Variants in GSK3B observed in about 807,000 individuals in gnomAD.
GSK3B encodes the protein glycogen synthase kinase-3 beta.
In GSK3B, 15 loss-of-function variants were observed where a neutral mutation model predicts 56.4. The ratio of observed to expected loss-of-function variants is 0.27; its 90% CI spans 0.18 to 0.41. The LOEUF is 0.41. Ranked by LOEUF, GSK3B falls within the 10% of genes least tolerant of loss-of-function variation. The pLI is 1.00. For synonymous variants in GSK3B, 181 were observed against 188.9 expected, an observed-to-expected ratio of 0.96 and a Z score of 0.34; for missense variants, 300 against 513.4, an observed-to-expected ratio of 0.58 and a Z score of 4.02.
At chr3:119,837,864 A>G (rs2108005986) in intron 10 of GSK3B, among the ~76,000 whole-genome samples, 2 of 147,974 alleles carry the variant, frequency 1.4e-5, no homozygotes, top group South Asian at 4.2e-4. Context: ...TAAGACATAT[A>G]TAATATATAT....
At chr3:120,081,576 A>T (rs771699469) in intron 1 of GSK3B, among the ~76,000 whole-genome samples, 1 of 152,140 alleles carries the variant, frequency 6.6e-6, no homozygotes, top group Non-Finnish European at 1.5e-5. Flanking sequence ...CACAAATTTA[A>T]CTTAATTTCT....
intron 7 of GSK3B, among the ~76,000 whole-genome samples, chr3:119,877,620 G>A (rs1213904541): frequency 6.6e-6 from 1 of 152,112 alleles, no homozygotes; most frequent in Admixed American, 6.5e-5. Flanking sequence ...TCATTCAGTC[G>A]TTGAATAGTG....
intron 2 of GSK3B, among the ~76,000 whole-genome samples, chr3:119,993,715 C>A (rs1011005871): frequency 6.6e-6 from 1 of 152,294 alleles, no homozygotes; most frequent in African/African-American, 2.4e-5. Context: ...AGAGTGAACT[C>A]TGTGATGTTG....
intron 2 of GSK3B, among the ~76,000 whole-genome samples, chr3:119,952,417 G>A (rs1240851957): frequency 6.6e-6 from 1 of 150,562 alleles, no homozygotes; most frequent in Non-Finnish European, 1.5e-5. Context: ...GAGCCCGGGA[G>A]GCAGAGGTTG....
chr3:120,059,965 T>C (rs1234478392), intron 1 of GSK3B, among the ~76,000 whole-genome samples: 1 of 152,254 alleles, frequency 6.6e-6, no homozygotes, highest in Non-Finnish European at 1.5e-5. Context: ...GTGCCCACTA[T>C]TCATTTATTC....
At chr3:120,052,449 G>C (rs1324559026) in intron 1 of GSK3B, among the ~76,000 whole-genome samples, 1 of 152,128 alleles carries the variant, frequency 6.6e-6, no homozygotes, top group Non-Finnish European at 1.5e-5. Flanking sequence ...AGCCTCACCA[G>C]GTTATGTTAA....
At position 119,905,477 on chromosome 3, in the gene GSK3B, A is replaced by C. The variant is rs567224450; in HGVS notation, c.813+278T>G. On this transcript the variant is annotated intron_variant, in intron 7 of 10. Transcript: ENST00000264235. The stretch of plus-strand genomic sequence containing the variant: ...TACATTTTAGTGAGCTTATAGTCTA[A>C]TTTTGCTTTTAAGTACTTTAAATAA... Among the ~76,000 whole-genome samples, 3 of 152,186 alleles carry C rather than the reference A, an allele frequency of 2.0e-5. No homozygotes were observed. In the South Asian group the frequency reaches 6.2e-4, roughly 32 times the overall value.
At chr3:119,832,663 T>C (rs780336365) in intron 10 of GSK3B, among the ~76,000 whole-genome samples, 2 of 152,256 alleles carry the variant, frequency 1.3e-5, no homozygotes, top group Non-Finnish European at 2.9e-5. Context: ...AGAATTGTTT[T>C]CTCAGGAATC....
chr3:120,004,061 A>G (rs936806489), intron 1 of GSK3B, among the ~76,000 whole-genome samples: 6 of 152,342 alleles, frequency 3.9e-5, no homozygotes, highest in South Asian at 4.1e-4. Context: ...CACTTTCCCA[A>G]TGCTCTTCGC....
At chr3:119,899,746 G>C (rs75969635) in intron 7 of GSK3B, among the ~76,000 whole-genome samples, 50 of 152,096 alleles carry the variant, frequency 3.3e-4, no homozygotes, top group African/African-American at 1.2e-3. Context: ...ACTGTAAAAA[G>C]ATATGATTTC....
At chr3:119,907,505 G>A (rs1008428651) in intron 6 of GSK3B, among the ~76,000 whole-genome samples, 2 of 152,062 alleles carry the variant, frequency 1.3e-5, no homozygotes, top group Non-Finnish European at 2.9e-5. Context: ...TCACTTTCTG[G>A]AGGACACTAA....
At chr3:119,954,091 T>C (rs1439581405) in intron 2 of GSK3B, among the ~76,000 whole-genome samples, 1 of 152,158 alleles carries the variant, frequency 6.6e-6, no homozygotes, top group Non-Finnish European at 1.5e-5. Context: ...CTCTCAGAGT[T>C]CTCAGAGCAG....
At chr3:120,031,192 C>T (rs1033633694) in intron 1 of GSK3B, among the ~76,000 whole-genome samples, 1 of 152,196 alleles carries the variant, frequency 6.6e-6, no homozygotes, top group Non-Finnish European at 1.5e-5. Context: ...TATATCAACA[C>T]TTCTTGAAAT....
At chr3:120,040,375 G>A (rs75912592) in intron 1 of GSK3B, among the ~76,000 whole-genome samples, 3,940 of 152,308 alleles carry the variant, frequency 0.026, 81 homozygotes, top group Non-Finnish European at 0.041. Flanking sequence ...AAATATTCCC[G>A]CGAGGGAAGT....
At chr3:120,063,205 T>C (rs1431804908) in intron 1 of GSK3B, among the ~76,000 whole-genome samples, 1 of 152,234 alleles carries the variant, frequency 6.6e-6, no homozygotes. Flanking sequence ...CTTCTGGAGA[T>C]ATGAATAGAG....
chr3:119,889,690 C>T (rs547243651), intron 7 of GSK3B, among the ~76,000 whole-genome samples: 1 of 152,198 alleles, frequency 6.6e-6, no homozygotes, highest in South Asian at 2.1e-4. Flanking sequence ...AAAACTTAAA[C>T]TCAACCACAG....
At chr3:120,037,652 C>CTTT (rs72383335) in intron 1 of GSK3B, among the ~76,000 whole-genome samples, 24 of 146,458 alleles carry the variant, frequency 1.6e-4, no homozygotes, top group African/African-American at 5.2e-4. Context: ...CACTACAGCT[C>CTTT]TTTTTTTTTT....
intron 2 of GSK3B, among the ~76,000 whole-genome samples, chr3:119,985,129 A>T (rs1387433924): frequency 6.6e-6 from 1 of 152,242 alleles, no homozygotes; most frequent in East Asian, 1.9e-4. Flanking sequence ...GGCCTTCGAC[A>T]AAATTCAACA....
At chr3:119,966,981 AGAC>A in intron 2 of GSK3B, among the ~76,000 whole-genome samples, 1 of 152,368 alleles carries the variant, frequency 6.6e-6, no homozygotes, top group African/African-American at 2.4e-5. Context: ...ATATAAATAA[AGAC>A]AATCTATAAT....
Sources: allele counts gnomAD v4.1 joint callset (sites outside exome capture counted in the v4.1 genomes callset), GRCh38; gene constraint gnomAD v4.1.1; transcripts MANE v1.5; gene names NCBI Gene and HGNC (gene_info 2026-07-23, HGNC 2026-07-21).